Variants in MKX observed in about 807,000 individuals in gnomAD.
The protein encoded by MKX is homeobox protein Mohawk.
Under a neutral mutation model 36.0 loss-of-function variants are expected in MKX, and 13 were observed. That is an observed-to-expected ratio of 0.36 (90% CI 0.24 to 0.57). The LOEUF is 0.57. Among genes scored for constraint, MKX ranks in the 20% least tolerant of loss-of-function variants. The pLI is 0.79. For missense variants in MKX, 458 were observed against 456.4 expected (o/e 1.00, Z -0.03); for synonymous variants, 176 against 178.3 (o/e 0.99, Z 0.10).
chr10:27,708,652 C>T (rs1037386437), intron 5 of MKX, among the ~76,000 whole-genome samples: 12 of 147,722 alleles, frequency 8.1e-5, no homozygotes, highest in African/African-American at 1.5e-4. Context: ...TCACTTGAAC[C>T]GGGAGGCAGA....
intron 5 of MKX, among the ~76,000 whole-genome samples, chr10:27,701,555 T>G (rs1345102890): frequency 1.4e-5 from 2 of 145,570 alleles, no homozygotes; most frequent in African/African-American, 5.0e-5. Context: ...TATATAGATA[T>G]AAAATAATGT....
intron 1 of MKX, among the ~76,000 whole-genome samples, chr10:27,743,880 G>C (rs1427304199): frequency 3.3e-5 from 5 of 152,214 alleles, no homozygotes; most frequent in African/African-American, 1.2e-4. Context: ...GCCGCGCGTG[G>C]TTCTTCAATC....
intron 5 of MKX, among the ~76,000 whole-genome samples, chr10:27,679,133 C>G (rs2220611): frequency 6.6e-6 from 1 of 151,494 alleles, no homozygotes; most frequent in Non-Finnish European, 1.5e-5. Context: ...AGGTGGGGGG[C>G]TGGGGGAGGG....
At chr10:27,737,912 A>G (rs1272222772) in intron 3 of MKX, among the ~76,000 whole-genome samples, 1 of 152,086 alleles carries the variant, frequency 6.6e-6, no homozygotes, top group Non-Finnish European at 1.5e-5. Flanking sequence ...TGGCCTTCTA[A>G]TTTTTTAAAA....
chr10:27,705,973 T>A (rs1453919398), intron 5 of MKX, among the ~76,000 whole-genome samples: 1 of 152,148 alleles, frequency 6.6e-6, no homozygotes, highest in African/African-American at 2.4e-5. Flanking sequence ...CCACTATCCA[T>A]CTCCAGAAAT....
chr10:27,675,695 G>A (rs748841466), intron 5 of MKX, 141 bp from the exon 6 acceptor site: 52 of 901,382 alleles, frequency 5.8e-5, no homozygotes, highest in Non-Finnish European at 8.0e-5. Flanking sequence ...TAAAGATAAA[G>A]CAGTTTATAT....
intron 3 of MKX, among the ~76,000 whole-genome samples, chr10:27,735,716 G>A (rs1010522320): frequency 5.9e-5 from 9 of 152,246 alleles, no homozygotes; most frequent in African/African-American, 1.7e-4. Flanking sequence ...AAAATGATAC[G>A]AGTCCAAAGG....
chr10:27,706,283 C>T (rs1319282917), intron 5 of MKX, among the ~76,000 whole-genome samples: 4 of 151,994 alleles, frequency 2.6e-5, no homozygotes, highest in African/African-American at 7.3e-5. Flanking sequence ...ATTCTTCTGT[C>T]GATGGACAAC....
At chr10:27,709,950 G>A (rs1836823645) in intron 5 of MKX, among the ~76,000 whole-genome samples, 1 of 152,108 alleles carries the variant, frequency 6.6e-6, no homozygotes, top group Non-Finnish European at 1.5e-5. Flanking sequence ...ATACAAAATA[G>A]TATCATTTTA....
chr10:27,722,648 A>G (rs1240635466), intron 5 of MKX, among the ~76,000 whole-genome samples: 1 of 152,156 alleles, frequency 6.6e-6, no homozygotes, highest in East Asian at 1.9e-4. Context: ...CTACAAGTGG[A>G]TAATTTCGTG....
chr10:27,684,920 A>G (rs996841245), intron 5 of MKX, among the ~76,000 whole-genome samples: 9 of 152,242 alleles, frequency 5.9e-5, no homozygotes, highest in African/African-American at 2.2e-4. Flanking sequence ...TCACGCTCCT[A>G]TGAGAATCTA....
chr10:27,701,645 TATATACTA>T (rs1252073073), intron 5 of MKX, among the ~76,000 whole-genome samples: 1 of 145,108 alleles, frequency 6.9e-6, no homozygotes, highest in Non-Finnish European at 1.5e-5. Context: ...ATTTATATAT[TATATACTA>T]ATATATTAAT....
At chr10:27,682,893 C>T (rs1434380461) in intron 5 of MKX, among the ~76,000 whole-genome samples, 2 of 151,698 alleles carry the variant, frequency 1.3e-5, no homozygotes, top group Non-Finnish European at 1.5e-5. Context: ...GCAAGAGAAT[C>T]GCTTGAACCT....
At chr10:27,725,401 G>A (rs887736716) in intron 5 of MKX, among the ~76,000 whole-genome samples, 6 of 152,096 alleles carry the variant, frequency 3.9e-5, no homozygotes, top group African/African-American at 1.2e-4. Context: ...TTCAAATTTT[G>A]TGAAGGAAAT....
chr10:27,718,708 T>C (rs1834303998), intron 5 of MKX: 3 of 177,356 alleles, frequency 1.7e-5, no homozygotes, highest in East Asian at 1.7e-4. Context: ...ACAGATTAGG[T>C]GCACAACTGC....
At chr10:27,709,186 A>AAATG (rs1242261351) in intron 5 of MKX, among the ~76,000 whole-genome samples, 1 of 150,748 alleles carries the variant, frequency 6.6e-6, no homozygotes, top group Non-Finnish European at 1.5e-5. Flanking sequence ...AAAAGTAAAT[A>AAATG]AATAAACAAC....
At chr10:27,737,686 T>A (rs1055984777) in intron 3 of MKX, among the ~76,000 whole-genome samples, 2 of 152,088 alleles carry the variant, frequency 1.3e-5, no homozygotes, top group African/African-American at 4.8e-5. Context: ...CCTTCTTTGC[T>A]CCTTTCACAC....
intron 5 of MKX, among the ~76,000 whole-genome samples, chr10:27,696,312 G>A (rs11015951): frequency 0.099 from 15,059 of 152,112 alleles, 1,880 homozygotes; most frequent in African/African-American, 0.27. Flanking sequence ...TGAAAATTAG[G>A]AATAGTCACT....
chr10:27,716,345 C>T (rs747753408), intron 5 of MKX, among the ~76,000 whole-genome samples: 15 of 151,098 alleles, frequency 9.9e-5, no homozygotes, highest in Non-Finnish European at 2.2e-4. Flanking sequence ...ATCACCTAAG[C>T]CCGGGAGGAT....
Sources: gnomAD v4.1 joint callset for allele counts (sites outside exome capture counted in the v4.1 genomes callset) on GRCh38, gnomAD v4.1.1 for gene constraint, MANE v1.5 for transcripts, NCBI Gene and HGNC (gene_info 2026-07-23, HGNC 2026-07-21) for gene names.